The following DPY19L4 variants were observed in gnomAD, a reference collection of about 807,000 sequenced individuals.
DPY19L4 encodes probable C-mannosyltransferase DPY19L4.
Under a neutral mutation model 102.8 loss-of-function variants are expected in DPY19L4, and 97 were observed. That is an observed-to-expected ratio of 0.94 (90% CI 0.80 to 1.12). DPY19L4 has a LOEUF of 1.12. DPY19L4 is among the 50% of genes most tolerant of loss of function. DPY19L4 has a pLI of 0.00. For missense variants in DPY19L4, 815 were observed against 850.4 expected, an observed-to-expected ratio of 0.96 and a Z score of 0.52; for synonymous variants, 252 against 283.1, an observed-to-expected ratio of 0.89 and a Z score of 1.10.
At chr8:94,754,222 G>A (rs551064096) in intron 6 of DPY19L4, among the ~76,000 whole-genome samples, 68 of 152,206 alleles carry the variant, frequency 4.5e-4, no homozygotes, top group African/African-American at 1.6e-3. Flanking sequence ...AAAGAGATGA[G>A]TAAAAATGAT....
intron 3 of DPY19L4, 51 bp from the exon 4 acceptor site, chr8:94,738,318 C>CA (rs201512830): frequency 0.03 from 25,628 of 847,042 alleles, no homozygotes; most frequent in South Asian, 0.052. Context: ...GACTCTGTCT[C>CA]AAAAAAAAAA....
intron 7 of DPY19L4, among the ~76,000 whole-genome samples, chr8:94,757,498 G>A (rs964656315): frequency 2.0e-5 from 3 of 151,684 alleles, no homozygotes; most frequent in African/African-American, 7.3e-5. Flanking sequence ...CAACCTCTGC[G>A]TCCCGGGCTC....
chr8:94,759,881 A>G (rs1812329324), intron 7 of DPY19L4, among the ~76,000 whole-genome samples: 1 of 152,210 alleles, frequency 6.6e-6, no homozygotes, highest in African/African-American at 2.4e-5. Flanking sequence ...CAGTTGCCTC[A>G]GGATATCCAA....
intron 12 of DPY19L4, among the ~76,000 whole-genome samples, chr8:94,769,347 C>T (rs560806250): frequency 8.5e-5 from 13 of 152,096 alleles, no homozygotes; most frequent in Non-Finnish European, 1.9e-4. Flanking sequence ...CAGGTGTGAG[C>T]CACCATGCTC....
chr8:94,787,819 A>C, intron 17 of DPY19L4, 75 bp from the exon 18 acceptor site: 3 of 789,868 alleles, frequency 3.8e-6, no homozygotes, highest in Non-Finnish European at 5.0e-6. Context: ...GTTTCAATTT[A>C]CTGAAGTTTT....
intron 4 of DPY19L4, among the ~76,000 whole-genome samples, chr8:94,738,804 G>A (rs530136526): frequency 2.6e-5 from 4 of 152,064 alleles, no homozygotes; most frequent in South Asian, 2.1e-4. Context: ...GAACCACTGC[G>A]CCCGGCTGTA....
chr8:94,735,786 A>G (rs1387212540), intron 3 of DPY19L4, among the ~76,000 whole-genome samples: 1 of 152,166 alleles, frequency 6.6e-6, no homozygotes, highest in African/African-American at 2.4e-5. Flanking sequence ...CCCCACTTTA[A>G]AATCCGAATC....
intron 13 of DPY19L4, among the ~76,000 whole-genome samples, chr8:94,773,169 G>T (rs956648698): frequency 6.8e-6 from 1 of 148,030 alleles, no homozygotes; most frequent in Non-Finnish European, 1.5e-5. Context: ...AGCCAAGATC[G>T]TGCCACTGCA....
intron 17 of DPY19L4, among the ~76,000 whole-genome samples, chr8:94,787,149 G>A (rs527773990): frequency 2.6e-5 from 4 of 152,226 alleles, no homozygotes; most frequent in African/African-American, 9.6e-5. Flanking sequence ...CTGTGCTGTA[G>A]GCTATCAGTA....
intron 6 of DPY19L4, among the ~76,000 whole-genome samples, chr8:94,748,599 T>C (rs1811781209): frequency 1.3e-5 from 2 of 151,544 alleles, no homozygotes; most frequent in East Asian, 3.9e-4. Flanking sequence ...AGGAGGTGAG[T>C]GGCAGCAGCA....
intron 2 of DPY19L4, among the ~76,000 whole-genome samples, chr8:94,729,905 T>C (rs183033582): frequency 6.6e-6 from 1 of 151,980 alleles, no homozygotes; most frequent in East Asian, 1.9e-4. Flanking sequence ...AGTCTAGAAA[T>C]ATCGATTACA....
intron 17 of DPY19L4, among the ~76,000 whole-genome samples, chr8:94,786,945 G>T (rs1813681032): frequency 6.6e-6 from 1 of 152,132 alleles, no homozygotes; most frequent in Admixed American, 6.5e-5. Flanking sequence ...TGGGAGAATT[G>T]TTCCCCGAGG....
chr8:94,768,740 T>G (rs1452531980), intron 12 of DPY19L4, among the ~76,000 whole-genome samples, 187 bp downstream of exon 12: 4 of 152,136 alleles, frequency 2.6e-5, no homozygotes, highest in Non-Finnish European at 5.9e-5. Context: ...ATGCCTATAA[T>G]CCCAGCACTT....
chr8:94,743,390 C>T (rs919112089), intron 6 of DPY19L4, among the ~76,000 whole-genome samples: 1 of 151,772 alleles, frequency 6.6e-6, no homozygotes, highest in Non-Finnish European at 1.5e-5. Flanking sequence ...ATAATTCTAG[C>T]ACTTTGGGAG....
rs1812659254 is a variant in DPY19L4, at chr8:94,766,076, G to T, written c.1101+267G>T. 2.0e-5 allele frequency among the ~76,000 whole-genome samples: 3 copies of T among 152,204 alleles called. 1 individual carries two copies. In the South Asian group the frequency reaches 6.2e-4, roughly 31 times the overall value. ...AACATTAAGCAATATATGGAATAAA[G>T]TGAGACAAATGAAAAGTGTTTAGAA... On this transcript the variant is annotated intron_variant, in intron 10 of 18. Transcript: ENST00000414645.
chr8:94,792,321 C>G lies in DPY19L4; in HGVS notation c.*2411C>G, dbSNP rs939834728. The stretch of plus-strand genomic sequence containing the variant: ...ATCTTGGCTCACTGCAACCTCCGCT[C>G]GCTGCAACCTCCGCCTCCCAGGTTC... On this transcript the variant is annotated 3_prime_UTR_variant, in exon 19 of 19. Transcript: ENST00000414645. 1.3e-5 allele frequency: 2 copies of G among 150,820 alleles called. No individual in the cohort carries two copies. The highest frequency in any genetic ancestry group is 2.9e-5 in the Non-Finnish European group (2 of 68,168). The allele number at this position is 150,820 out of a possible 1,614,324, so 9.3% of individuals were successfully genotyped here. A position where few individuals can be genotyped will look rare whatever the true frequency, so the allele number is the denominator to read the frequency against.
At chr8:94,748,507 T>A (rs1294483590) in intron 6 of DPY19L4, among the ~76,000 whole-genome samples, 1 of 152,060 alleles carries the variant, frequency 6.6e-6, no homozygotes, top group East Asian at 1.9e-4. Context: ...TGAAAATAGG[T>A]CATCTTTAGA....
chr8:94,737,867 T>A (rs539863442), intron 3 of DPY19L4, among the ~76,000 whole-genome samples: 28 of 151,536 alleles, frequency 1.8e-4, no homozygotes, highest in African/African-American at 6.5e-4. Context: ...TACAAAAAAA[T>A]AAAACAAAAC....
In DPY19L4 at chr8:94,787,887, CT is replaced by C; in HGVS notation, c.1849-4del. 1 of 1,336,772 alleles carries C rather than the reference CT, an allele frequency of 7.5e-7. No individual in the cohort carries two copies. The highest frequency in any genetic ancestry group is 9.7e-7 in the Non-Finnish European group (1 of 1,031,724). 82.8% of individuals were successfully genotyped at this position (1,336,772 alleles called of 1,614,324 possible). On this transcript the variant is annotated splice_region_variant and splice_polypyrimidine_tract_variant and intron_variant, in intron 17 of 18. Transcript: ENST00000414645. ...CTTTCAGTTTTATTTTAATTATATT[CT>C]TTCAGATCTACCAAATCTATTCAAA...
Sources: gnomAD v4.1 joint callset for allele counts (sites outside exome capture counted in the v4.1 genomes callset) on GRCh38, gnomAD v4.1.1 for gene constraint, MANE v1.5 for transcripts, NCBI Gene and HGNC (gene_info 2026-07-23, HGNC 2026-07-21) for gene names.